PODXL: variants seen among roughly 807,000 people sequenced by gnomAD.
PODXL encodes podocalyxin.
PODXL carries 20 observed loss-of-function variants against 48.9 expected under a neutral mutation model. That is an observed-to-expected ratio of 0.41 (90% CI 0.29 to 0.59). The LOEUF is 0.59. Among genes scored for constraint, PODXL ranks in the 20% least tolerant of loss-of-function variants. The pLI, the probability that PODXL is intolerant of heterozygous loss-of-function variation, is 0.31. For missense variants in PODXL, 606 were observed against 675.1 expected (o/e 0.90, Z 1.13); for synonymous variants, 295 against 287.4 (o/e 1.03, Z -0.27).
At chr7:131,534,842 G>C (rs1270454460) in intron 1 of PODXL, among the ~76,000 whole-genome samples, 1 of 152,144 alleles carries the variant, frequency 6.6e-6, no homozygotes, top group African/African-American at 2.4e-5. Context: ...TTGAGCTCAG[G>C]AGTTCAAGAC....
intron 1 of PODXL, among the ~76,000 whole-genome samples, chr7:131,535,507 A>G (rs1798360987): frequency 6.6e-6 from 1 of 152,200 alleles, no homozygotes; most frequent in Admixed American, 6.5e-5. Flanking sequence ...ACTCTGTGAC[A>G]CAGTATTGTA....
chr7:131,542,931 C>T (rs1798507166), intron 1 of PODXL, among the ~76,000 whole-genome samples: 1 of 152,114 alleles, frequency 6.6e-6, no homozygotes, highest in Admixed American at 6.5e-5. Context: ...TTTGCTGGCA[C>T]AAGGTCTAGA....
intron 1 of PODXL, among the ~76,000 whole-genome samples, chr7:131,532,152 G>A (rs755462990): frequency 1.0e-4 from 15 of 146,104 alleles, no homozygotes; most frequent in Non-Finnish European, 2.2e-4. Flanking sequence ...ATCATCACAC[G>A]TGGCCGGGCG....
rs1386146242 is a variant in PODXL, at chr7:131,501,009, C to G, written c.*3302G>C. ...CTTGAAATACCTTTCTCCATGACTA[C>G]AGGGTTGCCTGCCAACCAGAGCATA... On this transcript the variant is annotated 3_prime_UTR_variant, in exon 9 of 9. Coordinates refer to ENST00000378555, the MANE Select transcript of PODXL (RefSeq NM_001018111.3). The G allele has an allele frequency of 6.6e-6, 1 of 152,122 alleles. No individual in the cohort carries two copies. The highest frequency in any genetic ancestry group is 1.9e-4 in the East Asian group (1 of 5,196). The allele number at this position is 152,122 out of a possible 1,614,324, so 9.4% of individuals were successfully genotyped here.
At position 131,502,458 on chromosome 7, in the gene PODXL, T is replaced by G. The variant is rs541875784; in HGVS notation, c.*1853A>C. Reference sequence around the variant, plus strand: ...TAGGATATCAGATGGCTACAGACTGTGAGGAAGGAATTAGGCAGATGGTGC... The same window carrying G: ...TAGGATATCAGATGGCTACAGACTGGGAGGAAGGAATTAGGCAGATGGTGC... On this transcript the variant is annotated 3_prime_UTR_variant, in exon 9 of 9. Coordinates refer to ENST00000378555, the MANE Select transcript of PODXL (RefSeq NM_001018111.3). 1.3e-5 allele frequency: 2 copies of G among 152,222 alleles called. No homozygotes were observed. Among genetic ancestry groups the G allele is most frequent in the East Asian group, 1.9e-4 (1 of 5,180 alleles). The allele number at this position is 152,222 out of a possible 1,614,324, so 9.4% of individuals were successfully genotyped here.
chr7:131,550,790 C>T (rs891107325), intron 1 of PODXL, among the ~76,000 whole-genome samples: 1 of 142,652 alleles, frequency 7.0e-6, no homozygotes, highest in African/African-American at 2.5e-5. Context: ...TGCACGCACA[C>T]ACACACACAC....
rs1429340464 is a variant in PODXL, at chr7:131,505,820, C to G, written c.1479+48G>C. 5 of 1,508,760 alleles carry G rather than the reference C, an allele frequency of 3.3e-6. No individual in the cohort carries two copies. In the East Asian group the frequency reaches 7.3e-5, roughly 22 times the overall value. 93.5% of individuals were successfully genotyped at this position (1,508,760 alleles called of 1,614,324 possible). On this transcript the variant is annotated intron_variant, in intron 8 of 8. Coordinates refer to ENST00000378555, the MANE Select transcript of PODXL (RefSeq NM_001018111.3). ...CGGGAATCACGAGGGGAGGGTTCCT[C>G]TGGTGACCTGGGCTGCTTCCCCTGT...
At chr7:131,523,812 TGAGATGGAGACAG>T (rs1798129808) in intron 1 of PODXL, among the ~76,000 whole-genome samples, 1 of 147,804 alleles carries the variant, frequency 6.8e-6, no homozygotes. Flanking sequence ...TTTTTTTTTT[TGAGATGGAGACAG>T]TCTCACTCTG....
At chr7:131,552,169 C>T (rs1027426682) in intron 1 of PODXL, among the ~76,000 whole-genome samples, 2 of 152,214 alleles carry the variant, frequency 1.3e-5, no homozygotes, top group African/African-American at 4.8e-5. Flanking sequence ...CTCAGTTCTA[C>T]AGTCCAGAGT....
chr7:131,539,335 A>C (rs974282074), intron 1 of PODXL, among the ~76,000 whole-genome samples: 2 of 152,074 alleles, frequency 1.3e-5, no homozygotes, highest in East Asian at 3.9e-4. Flanking sequence ...TAGAATGTAT[A>C]AGCTCTTTTT....
chr7:131,537,338 C>T (rs1185784768), intron 1 of PODXL, among the ~76,000 whole-genome samples: 1 of 151,308 alleles, frequency 6.6e-6, no homozygotes, highest in African/African-American at 2.4e-5. Flanking sequence ...AGCACGGTGG[C>T]TCACGCCTGT....
At chr7:131,539,208 G>T (rs903754390) in intron 1 of PODXL, among the ~76,000 whole-genome samples, 2 of 152,248 alleles carry the variant, frequency 1.3e-5, no homozygotes, top group Admixed American at 1.3e-4. Context: ...CACAGAAAAA[G>T]TGAGCTCTGC....
intron 5 of PODXL, among the ~76,000 whole-genome samples, chr7:131,507,223 C>T (rs558521626): frequency 2.6e-5 from 4 of 152,316 alleles, no homozygotes; most frequent in South Asian, 2.1e-4. Flanking sequence ...GTCTCTACCC[C>T]CAAAGCTGAA....
intron 1 of PODXL, among the ~76,000 whole-genome samples, chr7:131,536,949 A>ACC (rs554908671): frequency 1.3e-5 from 2 of 151,734 alleles, no homozygotes; most frequent in Non-Finnish European, 2.9e-5. Context: ...ACATGGTGAA[A>ACC]CCCCATCTCT....
chr7:131,507,042 G>A (rs1797821143), intron 5 of PODXL: 1 of 300,506 alleles, frequency 3.3e-6, no homozygotes, highest in Admixed American at 4.6e-5. Flanking sequence ...TTTGCGGATT[G>A]GGGGTTGTTT....
At chr7:131,548,027 G>A (rs1277373854) in intron 1 of PODXL, among the ~76,000 whole-genome samples, 3 of 152,228 alleles carry the variant, frequency 2.0e-5, no homozygotes, top group African/African-American at 7.2e-5. Context: ...GCTTATGGGG[G>A]TCCTGGGACA....
At chr7:131,535,785 A>G (rs912924033) in intron 1 of PODXL, among the ~76,000 whole-genome samples, 12 of 151,956 alleles carry the variant, frequency 7.9e-5, no homozygotes, top group Non-Finnish European at 1.5e-4. Context: ...TTTTTTTGAG[A>G]TGGTCTCGCT....
At position 131,556,281 on chromosome 7, in the gene PODXL, A is replaced by ACGGCGACGACGGCAG; in HGVS notation, c.78_79insCTGCCGTCGTCGCCG (p.Pro26_Ser27insLeuProSerSerPro). ...TCACCATTCTGGGAGGGCGACGGCGACGGCGACGGCGACGACGGCAGCAGC... is the reference window on the plus strand; with the variant it reads ...TCACCATTCTGGGAGGGCGACGGCGACGGCGACGACGGCAGCGGCGACGGCGACGACGGCAGCAGC... On this transcript the variant is annotated inframe_insertion, in exon 1 of 9. Coordinates refer to ENST00000378555, the MANE Select transcript of PODXL (RefSeq NM_001018111.3). 1 of 1,461,412 alleles carries ACGGCGACGACGGCAG rather than the reference A, an allele frequency of 6.8e-7. No homozygotes were observed. Among genetic ancestry groups the ACGGCGACGACGGCAG allele is most frequent in the Non-Finnish European group, 8.9e-7 (1 of 1,118,100 alleles). The allele number at this position is 1,461,412 out of a possible 1,614,324, so 90.5% of individuals were successfully genotyped here. A position where few individuals can be genotyped will look rare whatever the true frequency, so the allele number is the denominator to read the frequency against.
chr7:131,517,741 C>T (rs944631782), intron 1 of PODXL, among the ~76,000 whole-genome samples: 2 of 144,744 alleles, frequency 1.4e-5, no homozygotes, highest in East Asian at 2.0e-4. Context: ...TTCCTCCTTG[C>T]GTAACTCTTT....
Sources: allele counts gnomAD v4.1 joint callset (sites outside exome capture counted in the v4.1 genomes callset), GRCh38; gene constraint gnomAD v4.1.1; transcripts MANE v1.5; gene names NCBI Gene and HGNC (gene_info 2026-07-23, HGNC 2026-07-21).